The following PDE6D variants were observed in gnomAD, a reference collection of about 807,000 sequenced individuals.
The protein encoded by PDE6D is retinal rod rhodopsin-sensitive cGMP 3',5'-cyclic phosphodiesterase subunit delta.
PDE6D carries 10 observed loss-of-function variants against 21.9 expected under a neutral mutation model. The ratio of observed to expected loss-of-function variants is 0.46; its 90% CI spans 0.28 to 0.78. The LOEUF (loss-of-function observed/expected upper bound fraction) is 0.78, where lower values mean the gene tolerates loss of function less well. Ranked by LOEUF, PDE6D falls within the 30% of genes least tolerant of loss-of-function variation. The pLI is 0.12. For missense variants in PDE6D, 139 were observed against 184.8 expected (o/e 0.75, Z 1.44); for synonymous variants, 59 against 63.5 (o/e 0.93, Z 0.34).
intron 1 of PDE6D, among the ~76,000 whole-genome samples, chr2:231,745,545 C>T (rs1179554929): frequency 1.3e-5 from 2 of 152,214 alleles, no homozygotes; most frequent in Admixed American, 6.5e-5. Flanking sequence ...AAGGAACATT[C>T]CTTTCCTATG....
intron 3 of PDE6D, chr2:231,737,538 A>C (rs2048711529): frequency 2.5e-6 from 1 of 404,492 alleles, no homozygotes; most frequent in South Asian, 4.8e-5. Flanking sequence ...AGCAGGACAC[A>C]ATATAAGCAG....
chr2:231,739,636 T>C lies in PDE6D; in HGVS notation c.51-448A>G, dbSNP rs1352448099. Reference sequence around the variant, plus strand: ...CAAATTGCTTTGTAGTGGCCCCCTCTGTTTTTTTTTTTTGAAACAGAGTCT... The same window carrying C: ...CAAATTGCTTTGTAGTGGCCCCCTCCGTTTTTTTTTTTTGAAACAGAGTCT... On this transcript the variant is annotated intron_variant, in intron 1 of 4. Transcript: ENST00000287600. This position sits in a 1 kb window ranked among gnomAD's most constrained non-coding sequence, Gnocchi z 4.2. Among the ~76,000 whole-genome samples, 3 of 128,656 alleles carry C rather than the reference T, an allele frequency of 2.3e-5. No homozygotes were observed. The highest frequency in any genetic ancestry group is 9.7e-5 in the African/African-American group (3 of 30,844). 84.4% of individuals were successfully genotyped at this position (128,656 alleles called of 152,430 possible). A position where few individuals can be genotyped will look rare whatever the true frequency, so the allele number is the denominator to read the frequency against.
chr2:231,762,164 CA>C lies in PDE6D; in HGVS notation c.50+18900del, dbSNP rs2048935955. Among the ~76,000 whole-genome samples, 6 of 152,214 alleles carry C rather than the reference CA, an allele frequency of 3.9e-5. No homozygotes were observed. The South Asian group carries it at 1.2e-3, about 32-fold the overall frequency. On this transcript the variant is annotated intron_variant, in intron 1 of 4. Transcript: ENST00000287600. Reference sequence around the variant, plus strand: ...GAAAACAAAATTCCATTTATGATAACAAAACTTCCCTGTTGTAAGTTGCACT... The same window carrying C: ...GAAAACAAAATTCCATTTATGATAACAAACTTCCCTGTTGTAAGTTGCACT...
At chr2:231,771,621 C>T (rs1396422023) in intron 1 of PDE6D, among the ~76,000 whole-genome samples, 1 of 152,174 alleles carries the variant, frequency 6.6e-6, no homozygotes, top group East Asian at 1.9e-4. Flanking sequence ...GTTTCATTCT[C>T]TAAATGTTAT....
intron 1 of PDE6D, among the ~76,000 whole-genome samples, chr2:231,749,084 C>T (rs930342555): frequency 2.0e-5 from 3 of 152,198 alleles, no homozygotes; most frequent in Non-Finnish European, 4.4e-5. Flanking sequence ...GAGGTCCACT[C>T]TCCTCCAGAC....
At chr2:231,765,567 T>C (rs1204258665) in intron 1 of PDE6D, among the ~76,000 whole-genome samples, 1 of 152,200 alleles carries the variant, frequency 6.6e-6, no homozygotes, top group Non-Finnish European at 1.5e-5. Flanking sequence ...TGACTAAGCA[T>C]ATAATGATAT....
At chr2:231,741,699 C>G (rs2048751379) in intron 1 of PDE6D, among the ~76,000 whole-genome samples, 1 of 152,120 alleles carries the variant, frequency 6.6e-6, no homozygotes, top group Non-Finnish European at 1.5e-5. Flanking sequence ...CACAGAAAAT[C>G]TAAGCAAATG....
intron 1 of PDE6D, among the ~76,000 whole-genome samples, chr2:231,774,058 C>T (rs2049035039): frequency 6.6e-6 from 1 of 151,912 alleles, no homozygotes; most frequent in South Asian, 2.1e-4. Flanking sequence ...CTCAGCCTCC[C>T]GAGTAGCTGG....
At position 231,739,355 on chromosome 2, in the gene PDE6D, A is replaced by G; in HGVS notation, c.51-167T>C. On this transcript the variant is annotated intron_variant, in intron 1 of 4. Transcript: ENST00000287600. This position sits in a 1 kb window ranked among gnomAD's most constrained non-coding sequence, Gnocchi z 4.2. ...AGAATGTGAGGAGAGTCAAAAAGAC[A>G]TCTAAAGGAAGAAGCAGAAACCTAG... is the stretch of plus-strand genomic sequence containing the variant. 1.4e-6 allele frequency: 1 copy of G among 739,288 alleles called. No individual in the cohort carries two copies. Among genetic ancestry groups the G allele is most frequent in the Admixed American group, 1.7e-5 (1 of 58,094 alleles). 45.8% of individuals were successfully genotyped at this position (739,288 alleles called of 1,614,324 possible). A position where few individuals can be genotyped will look rare whatever the true frequency, so the allele number is the denominator to read the frequency against.
At chr2:231,734,861 A>C (rs2048685115) in intron 4 of PDE6D, among the ~76,000 whole-genome samples, 1 of 147,474 alleles carries the variant, frequency 6.8e-6, no homozygotes, top group African/African-American at 2.6e-5. Flanking sequence ...AAAAAAACAA[A>C]AAAAAAAACC....
At chr2:231,753,265 T>A (rs1314227643) in intron 1 of PDE6D, among the ~76,000 whole-genome samples, 1 of 151,492 alleles carries the variant, frequency 6.6e-6, no homozygotes, top group African/African-American at 2.4e-5. Context: ...GGCTCACGCC[T>A]GTAATCCCGG....
chr2:231,743,521 G>A (rs1054053992), intron 1 of PDE6D, among the ~76,000 whole-genome samples: 1 of 151,342 alleles, frequency 6.6e-6, no homozygotes, highest in African/African-American at 2.4e-5. Context: ...CTATCTTTCT[G>A]TGCACTCAAC....
chr2:231,761,504 T>A (rs2048926756), intron 1 of PDE6D, among the ~76,000 whole-genome samples: 1 of 152,222 alleles, frequency 6.6e-6, no homozygotes, highest in Non-Finnish European at 1.5e-5. Context: ...AACCTGTGGT[T>A]CATTATCAAT....
At chr2:231,734,507 T>G (rs1394502321) in intron 4 of PDE6D, among the ~76,000 whole-genome samples, 2 of 151,602 alleles carry the variant, frequency 1.3e-5, no homozygotes, top group African/African-American at 4.8e-5. Flanking sequence ...CCAGGGTAAT[T>G]AATAACCAGC....
intron 4 of PDE6D, among the ~76,000 whole-genome samples, 192 bp from the exon 5 acceptor site, chr2:231,733,225 G>A (rs2048666363): frequency 6.6e-6 from 1 of 152,126 alleles, no homozygotes; most frequent in Non-Finnish European, 1.5e-5. Context: ...AACTTATGTG[G>A]TTACATTCAT....
chr2:231,740,500 T>C (rs954930250), intron 1 of PDE6D, among the ~76,000 whole-genome samples: 5 of 151,662 alleles, frequency 3.3e-5, no homozygotes, highest in Non-Finnish European at 5.9e-5. Context: ...CTGGGAAACA[T>C]GGTGAAACCC....
At chr2:231,756,053 T>C (rs1342304870) in intron 1 of PDE6D, among the ~76,000 whole-genome samples, 1 of 152,210 alleles carries the variant, frequency 6.6e-6, no homozygotes, top group African/African-American at 2.4e-5. Flanking sequence ...AGCTTTTCTC[T>C]TGCAGAATAA....
chr2:231,745,877 A>T (rs896804573), intron 1 of PDE6D, among the ~76,000 whole-genome samples: 3 of 152,106 alleles, frequency 2.0e-5, no homozygotes, highest in Admixed American at 6.5e-5. Flanking sequence ...TATAGAAGGC[A>T]GTGAAGGAGG....
rs1366113264 is a variant in PDE6D at position 231,781,075 on chromosome 2, C to T, written c.40G>A (p.Gly14Ser). The T allele has an allele frequency of 3.1e-6, 5 of 1,613,380 alleles. No individual in the cohort carries two copies. The highest frequency in any genetic ancestry group is 4.2e-6 in the Non-Finnish European group (5 of 1,179,674). Residue 14 changes from glycine (G) to serine (S), a missense_variant, in exon 1 of 5, where the codon GGC becomes AGC. Coordinates refer to ENST00000287600, the MANE Select transcript of PDE6D (RefSeq NM_002601.4). ...KDERAREILR[G>S]FKLNWMNLRD... ...CTCCCGGACGGATACAGTTTGAAGC[C>T]CCTCAGGATCTCCCTGGCCCGCTCG...
Sources: allele counts gnomAD v4.1 joint callset (sites outside exome capture counted in the v4.1 genomes callset), GRCh38; gene constraint gnomAD v4.1.1; non-coding constraint Gnocchi (gnomAD v3.1); transcripts MANE v1.5; gene names NCBI Gene and HGNC (gene_info 2026-07-23, HGNC 2026-07-21).